ETS1: variants seen among roughly 807,000 people sequenced by gnomAD.
The protein encoded by ETS1 is ETS proto-oncogene 1, transcription factor.
A neutral mutation model predicts 58.6 loss-of-function variants in ETS1; 15 were observed. The observed-to-expected ratio is 0.26, with a 90% CI of 0.17 to 0.39. The LOEUF is 0.39. Ranked by LOEUF, ETS1 falls within the 10% of genes least tolerant of loss-of-function variation. The probability of loss-of-function intolerance (pLI) is 1.00; values close to 1 mark genes in which losing one functional copy is unlikely to be tolerated. For synonymous variants in ETS1, 214 were observed against 218.2 expected (o/e 0.98, Z 0.17); for missense variants, 417 against 610.5 (o/e 0.68, Z 3.34).
At chr11:128,557,659 CTTTCTTTT>C (rs1261953857) in intron 2 of ETS1, among the ~76,000 whole-genome samples, 2 of 152,094 alleles carry the variant, frequency 1.3e-5, no homozygotes. Flanking sequence ...CCATCCTCAA[CTTTCTTTT>C]TTTCTTTTTT....
chr11:128,569,315 C>CTTCTTTTTTTTT lies in ETS1; in HGVS notation c.69+3735_69+3746dup, dbSNP rs1864573618. Among the ~76,000 whole-genome samples, 2 of 35,132 alleles carry CTTCTTTTTTTTT rather than the reference C, an allele frequency of 5.7e-5. 1 individual carries two copies. The highest frequency in any genetic ancestry group is 1.5e-3 in the East Asian group (2 of 1,302). 23.0% of individuals were successfully genotyped at this position (35,132 alleles called of 152,430 possible). On this transcript the variant is annotated intron_variant, in intron 2 of 9. Coordinates refer to ENST00000392668, the MANE Select transcript of ETS1 (RefSeq NM_001143820.2). ...ATTTACCATACATGGGACAGAGTTT[C>CTTCTTTTTTTTT]TTCTTTTTTTTTTTTTTTTTTTTTT... is the stretch of plus-strand genomic sequence containing the variant.
chr11:128,461,668 T>C lies in ETS1; in HGVS notation c.*693A>G, dbSNP rs1329979252. ...GGTCTATATAAACAGTTTTCTTTCA[T>C]TGTGACAGAATCCTCAGCCGGCAAA... On this transcript the variant is annotated 3_prime_UTR_variant, in exon 10 of 10. Transcript: ENST00000392668. 6.5e-6 allele frequency: 1 copy of C among 152,740 alleles called. No individual in the cohort carries two copies. The highest frequency in any genetic ancestry group is 1.5e-5 in the Non-Finnish European group (1 of 68,044). 9.5% of individuals were successfully genotyped at this position (152,740 alleles called of 1,614,324 possible).
At chr11:128,561,069 G>A (rs985352269) in intron 2 of ETS1, among the ~76,000 whole-genome samples, 3 of 152,126 alleles carry the variant, frequency 2.0e-5, no homozygotes, top group Admixed American at 6.5e-5. Flanking sequence ...AGAGAAAGAC[G>A]GTGTTGTTTG....
chr11:128,537,268 C>T (rs778438788), intron 3 of ETS1, among the ~76,000 whole-genome samples: 3 of 152,108 alleles, frequency 2.0e-5, no homozygotes, highest in Non-Finnish European at 4.4e-5. Flanking sequence ...TCACTATGTA[C>T]CATAATTTAC....
At chr11:128,531,843 A>C (rs565634474) in intron 3 of ETS1, among the ~76,000 whole-genome samples, 1 of 152,212 alleles carries the variant, frequency 6.6e-6, no homozygotes, top group African/African-American at 2.4e-5. Context: ...TCTGGGAAGA[A>C]TCCCACATGC....
chr11:128,570,791 T>C (rs1807136541), intron 2 of ETS1, among the ~76,000 whole-genome samples: 1 of 152,244 alleles, frequency 6.6e-6, no homozygotes, highest in Non-Finnish European at 1.5e-5. Context: ...AGCCCTTTTC[T>C]GGCAACTTCT....
In ETS1 at chr11:128,491,551, T is replaced by TAGTGTAG. The variant is rs1591612959; in HGVS notation, c.215-976_215-975insCTACACT. On this transcript the variant is annotated intron_variant, in intron 3 of 9. Transcript: ENST00000392668. The stretch of plus-strand genomic sequence containing the variant: ...AGAAAAGAATACTCCAGATCAGTGG[T>TAGTGTAG]TCTCAAAGTGTAGTCCTCAGAGCAG... 5.9e-5 allele frequency among the ~76,000 whole-genome samples: 9 copies of TAGTGTAG among 152,358 alleles called. No individual in the cohort carries two copies. The East Asian group carries it at 1.7e-3, about 29-fold the overall frequency.
intron 1 of ETS1, among the ~76,000 whole-genome samples, chr11:128,581,370 A>AT (rs2135594734): frequency 6.6e-6 from 1 of 152,310 alleles, no homozygotes; most frequent in African/African-American, 2.4e-5. Flanking sequence ...GTAATATTCA[A>AT]TACACTGCCT....
At chr11:128,467,892 C>T (rs1177167045) in intron 8 of ETS1, among the ~76,000 whole-genome samples, 1 of 152,112 alleles carries the variant, frequency 6.6e-6, no homozygotes, top group Non-Finnish European at 1.5e-5. Context: ...GCACCACACA[C>T]ACACTCCACA....
At chr11:128,569,318 C>CTTTTTTTTTTTTT (rs398018017) in intron 2 of ETS1, among the ~76,000 whole-genome samples, 3,614 of 39,316 alleles carry the variant, frequency 0.092, 1,229 homozygotes, top group East Asian at 0.24. Context: ...AGAGTTTCTT[C>CTTTTTTTTTTTTT]TTTTTTTTTT....
chr11:128,489,171 G>T (rs762086342), intron 5 of ETS1, 119 bp downstream of exon 5: 1 of 808,642 alleles, frequency 1.2e-6, no homozygotes, highest in Non-Finnish European at 2.1e-6. Flanking sequence ...TCCCACATAC[G>T]TCCTACAGTA....
intron 3 of ETS1, among the ~76,000 whole-genome samples, chr11:128,501,701 C>T (rs967641140): frequency 1.3e-4 from 20 of 152,220 alleles, no homozygotes; most frequent in Admixed American, 1.3e-3. Flanking sequence ...GACACTGACA[C>T]ATTAATCAAG....
chr11:128,494,031 C>T (rs1008100244), intron 3 of ETS1, among the ~76,000 whole-genome samples: 2 of 152,178 alleles, frequency 1.3e-5, no homozygotes, highest in African/African-American at 2.4e-5. Context: ...AATATTTTTA[C>T]ATTAGGTACA....
chr11:128,481,112 A>T (rs1591602172), intron 7 of ETS1, among the ~76,000 whole-genome samples: 2 of 152,054 alleles, frequency 1.3e-5, no homozygotes, highest in South Asian at 4.2e-4. Context: ...GAGATTTTTT[A>T]AAATCACACA....
chr11:128,585,103 GGAAGGAAGGAAGGAA>G lies in ETS1; in HGVS notation c.-15+2370_-15+2384del, dbSNP rs1565421536. 3.7e-4 allele frequency among the ~76,000 whole-genome samples: 9 copies of G among 24,178 alleles called. 1 individual carries two copies. Among genetic ancestry groups the G allele is most frequent in the East Asian group, 8.1e-4 (1 of 1,242 alleles). The allele number at this position is 24,178 out of a possible 152,430, so 15.9% of individuals were successfully genotyped here. On this transcript the variant is annotated intron_variant, in intron 1 of 9. Transcript: ENST00000392668. ...GAAAGAAAGAAAGGAAAGAAAGAAAGGAAGGAAGGAAGGAAAGAAAGAAGAAAGAAAGAAAAGAAA... is the reference window on the plus strand; with the variant it reads ...GAAAGAAAGAAAGGAAAGAAAGAAAGAGAAAGAAGAAAGAAAGAAAAGAAA...
At chr11:128,565,946 AGGCCTATG>A (rs1864485704) in intron 2 of ETS1, among the ~76,000 whole-genome samples, 1 of 152,224 alleles carries the variant, frequency 6.6e-6, no homozygotes, top group Non-Finnish European at 1.5e-5. Context: ...TGGAGTCCGG[AGGCCTATG>A]GGCTGGAAGT....
intron 3 of ETS1, among the ~76,000 whole-genome samples, chr11:128,554,613 G>A (rs77251123): frequency 0.022 from 3,294 of 152,148 alleles, 122 homozygotes; most frequent in African/African-American, 0.076. Flanking sequence ...GGAAGGCCAT[G>A]TCTCTTTGCT....
At chr11:128,556,880 T>C (rs1864321558) in intron 2 of ETS1, among the ~76,000 whole-genome samples, 1 of 152,200 alleles carries the variant, frequency 6.6e-6, no homozygotes, top group Non-Finnish European at 1.5e-5. Context: ...AAAATGGACC[T>C]ATGTAATAAA....
At chr11:128,509,550 ATTTTTTTT>A (rs59753000) in intron 3 of ETS1, among the ~76,000 whole-genome samples, 20,419 of 95,106 alleles carry the variant, frequency 0.21, 1,621 homozygotes, top group South Asian at 0.32. Flanking sequence ...TCAGGTGAAA[ATTTTTTTT>A]TTTTTTTTTT....
Sources: allele counts gnomAD v4.1 joint callset (sites outside exome capture counted in the v4.1 genomes callset), GRCh38; gene constraint gnomAD v4.1.1; transcripts MANE v1.5; gene names NCBI Gene and HGNC (gene_info 2026-07-23, HGNC 2026-07-21).